The following ARHGAP15 variants were observed in gnomAD, a reference collection of about 807,000 sequenced individuals.
ARHGAP15 encodes the protein Rho GTPase activating protein 15, also known as rho GTPase-activating protein 15.
Under a neutral mutation model 63.7 loss-of-function variants are expected in ARHGAP15, and 51 were observed. The ratio of observed to expected loss-of-function variants is 0.80; its 90% CI spans 0.64 to 1.01. The LOEUF (loss-of-function observed/expected upper bound fraction) is 1.01. Among genes scored for constraint, ARHGAP15 ranks in the 50% least tolerant of loss-of-function variants. ARHGAP15 has a pLI of 0.00. For missense variants in ARHGAP15, 560 were observed against 564.6 expected (o/e 0.99, Z 0.08); for synonymous variants, 191 against 193.8 (o/e 0.99, Z 0.12).
At chr2:143,476,352 G>A (rs1269362078) in intron 8 of ARHGAP15, among the ~76,000 whole-genome samples, 2 of 152,200 alleles carry the variant, frequency 1.3e-5, no homozygotes, top group Non-Finnish European at 2.9e-5. Flanking sequence ...TTATGTAAGA[G>A]TACTGTTTCA....
intron 10 of ARHGAP15, among the ~76,000 whole-genome samples, chr2:143,552,564 G>A (rs945775357): frequency 1.6e-4 from 22 of 134,508 alleles, no homozygotes; most frequent in Non-Finnish European, 7.9e-5. Flanking sequence ...AAAAAAAGTC[G>A]GGGTGGGGAG....
intron 13 of ARHGAP15, among the ~76,000 whole-genome samples, chr2:143,758,857 C>T (rs1219674684): frequency 6.6e-6 from 1 of 152,136 alleles, no homozygotes; most frequent in Non-Finnish European, 1.5e-5. Context: ...AAGCCTCTCC[C>T]CAGACTTGCT....
intron 6 of ARHGAP15, among the ~76,000 whole-genome samples, chr2:143,376,594 A>G (rs1452807499): frequency 6.6e-6 from 1 of 152,136 alleles, no homozygotes; most frequent in Non-Finnish European, 1.5e-5. Flanking sequence ...AGAAAGTAAC[A>G]TGTACCGTGG....
intron 6 of ARHGAP15, among the ~76,000 whole-genome samples, chr2:143,330,078 G>A (rs1574285391): frequency 1.4e-5 from 1 of 70,924 alleles, no homozygotes; most frequent in Non-Finnish European, 2.6e-5. Flanking sequence ...CTGGGTGACA[G>A]AGCAAGGCTC....
At chr2:143,750,266 C>T (rs1206856189) in intron 13 of ARHGAP15, among the ~76,000 whole-genome samples, 1 of 152,058 alleles carries the variant, frequency 6.6e-6, no homozygotes, top group East Asian at 1.9e-4. Flanking sequence ...ATGGTGAAAC[C>T]CCATCTCTAT....
chr2:143,187,764 G>A (rs892583817), intron 2 of ARHGAP15, among the ~76,000 whole-genome samples: 8 of 152,154 alleles, frequency 5.3e-5, no homozygotes, highest in Non-Finnish European at 8.8e-5. Flanking sequence ...ATAAGGAAGT[G>A]GGACTTTTCA....
At chr2:143,177,638 C>T (rs938087652) in intron 2 of ARHGAP15, among the ~76,000 whole-genome samples, 2 of 152,166 alleles carry the variant, frequency 1.3e-5, no homozygotes, top group African/African-American at 4.8e-5. Context: ...GTTCCTCATC[C>T]TTTCAGGGGG....
At chr2:143,305,035 A>G (rs1431646142) in intron 6 of ARHGAP15, among the ~76,000 whole-genome samples, 2 of 152,148 alleles carry the variant, frequency 1.3e-5, no homozygotes, top group African/African-American at 2.4e-5. Flanking sequence ...ACATATGTCT[A>G]TTGTGGCACT....
chr2:143,510,154 A>G (rs1693517458), intron 9 of ARHGAP15, among the ~76,000 whole-genome samples: 1 of 152,058 alleles, frequency 6.6e-6, no homozygotes, highest in Admixed American at 6.6e-5. Flanking sequence ...AGATGGAATT[A>G]TTAAATTGCT....
intron 10 of ARHGAP15, among the ~76,000 whole-genome samples, chr2:143,524,439 C>T (rs1396313026): frequency 6.6e-6 from 1 of 152,118 alleles, no homozygotes; most frequent in Non-Finnish European, 1.5e-5. Flanking sequence ...ATGCTCATTC[C>T]AAACTGTTTA....
At chr2:143,530,576 G>T (rs1461750655) in intron 10 of ARHGAP15, among the ~76,000 whole-genome samples, 1 of 151,680 alleles carries the variant, frequency 6.6e-6, no homozygotes, top group Admixed American at 6.6e-5. Context: ...TTCAGGCATT[G>T]TGCCTACTTC....
chr2:143,600,533 C>G (rs937143777), intron 11 of ARHGAP15, among the ~76,000 whole-genome samples: 3 of 152,172 alleles, frequency 2.0e-5, no homozygotes, highest in African/African-American at 7.2e-5. Context: ...ACATTTAATT[C>G]AGCCAACAAA....
At chr2:143,435,343 G>T in intron 6 of ARHGAP15, 1 of 1,089,804 alleles carries the variant, frequency 9.2e-7, no homozygotes, top group African/African-American at 1.7e-5. Flanking sequence ...CCTTAAGTTG[G>T]AGTAATTCAG....
intron 12 of ARHGAP15, among the ~76,000 whole-genome samples, chr2:143,677,855 T>C (rs1252552309): frequency 6.6e-6 from 1 of 152,100 alleles, no homozygotes; most frequent in African/African-American, 2.4e-5. Context: ...GTATAACTGA[T>C]ACACAATAAA....
At chr2:143,634,466 A>T (rs541698235) in intron 12 of ARHGAP15, among the ~76,000 whole-genome samples, 1 of 152,284 alleles carries the variant, frequency 6.6e-6, no homozygotes, top group African/African-American at 2.4e-5. Flanking sequence ...GAATTTCATG[A>T]AATGCACTTA....
intron 6 of ARHGAP15, among the ~76,000 whole-genome samples, chr2:143,262,454 C>T (rs78109265): frequency 0.021 from 3,119 of 151,834 alleles, 46 homozygotes; most frequent in Non-Finnish European, 0.031. Flanking sequence ...TTTCCTCATC[C>T]TCAGCCAGGA....
At chr2:143,518,593 A>C (rs1311200298) in intron 9 of ARHGAP15, among the ~76,000 whole-genome samples, 1 of 152,252 alleles carries the variant, frequency 6.6e-6, no homozygotes, top group Admixed American at 6.5e-5. Flanking sequence ...TTTTGTTCGC[A>C]GGCCCTTTTT....
chr2:143,680,379 A>G (rs1683046963), intron 12 of ARHGAP15, among the ~76,000 whole-genome samples: 1 of 152,238 alleles, frequency 6.6e-6, no homozygotes, highest in Non-Finnish European at 1.5e-5. Flanking sequence ...CCAGCTTGGT[A>G]TTTCCATAGA....
At chr2:143,345,679 A>C (rs768044581) in intron 6 of ARHGAP15, among the ~76,000 whole-genome samples, 23 of 152,074 alleles carry the variant, frequency 1.5e-4, no homozygotes, top group Non-Finnish European at 2.5e-4. Context: ...AGTAGTGCAA[A>C]AATTTATAAT....
Sources: gnomAD v4.1 joint callset for allele counts (sites outside exome capture counted in the v4.1 genomes callset) on GRCh38, gnomAD v4.1.1 for gene constraint, MANE v1.5 for transcripts, NCBI Gene and HGNC (gene_info 2026-07-23, HGNC 2026-07-21) for gene names.